Variants in BCKDHB observed in about 807,000 individuals in gnomAD.
BCKDHB encodes the protein 2-oxoisovalerate dehydrogenase subunit beta, mitochondrial.
In BCKDHB, 41 loss-of-function variants were observed where a neutral mutation model predicts 48.5. The ratio of observed to expected loss-of-function variants is 0.85; its 90% CI spans 0.66 to 1.10. The LOEUF is 1.10. Ranked by LOEUF, BCKDHB falls within the 50% of genes least tolerant of loss-of-function variation. BCKDHB has a pLI of 0.00. For synonymous variants in BCKDHB, 201 were observed against 174.8 expected (o/e 1.15, Z -1.18); for missense variants, 496 against 494.2 (o/e 1.00, Z -0.03).
chr6:80,148,920 A>C (rs549941340), intron 3 of BCKDHB, among the ~76,000 whole-genome samples: 1 of 152,350 alleles, frequency 6.6e-6, no homozygotes. Flanking sequence ...CAAGGACTTC[A>C]TGTCTAAAAC....
chr6:80,450,965 A>G, the BCKDHB span, among the ~76,000 whole-genome samples: 1 of 152,220 alleles, frequency 6.6e-6, no homozygotes, highest in South Asian at 2.1e-4. Context: ...TGCCACAACA[A>G]TAATAAAAAT....
intron 3 of BCKDHB, among the ~76,000 whole-genome samples, chr6:80,154,031 T>C (rs147078033): frequency 2.6e-4 from 39 of 152,328 alleles, no homozygotes; most frequent in African/African-American, 8.4e-4. Context: ...TTGGTCACAC[T>C]TTACCTTCTA....
intron 8 of BCKDHB, among the ~76,000 whole-genome samples, chr6:80,258,749 TAAAA>T (rs75982957): frequency 7.1e-6 from 1 of 140,050 alleles, no homozygotes; most frequent in South Asian, 2.3e-4. Context: ...TGAGAGTTAG[TAAAA>T]AAAAAAAAAG....
At chr6:80,279,606 C>T (rs139189385) in intron 9 of BCKDHB, among the ~76,000 whole-genome samples, 164 of 151,746 alleles carry the variant, frequency 1.1e-3, no homozygotes, top group African/African-American at 3.9e-3. Context: ...ATCTTTATGT[C>T]GGCATTCAAG....
At chr6:80,404,505 T>G in the BCKDHB span, among the ~76,000 whole-genome samples, 1 of 151,916 alleles carries the variant, frequency 6.6e-6, no homozygotes, top group Non-Finnish European at 1.5e-5. Context: ...GCTCACCTTT[T>G]CAAAAAACAA....
chr6:80,379,765 A>G, the BCKDHB span, among the ~76,000 whole-genome samples: 35 of 11,688 alleles, frequency 3.0e-3, no homozygotes, highest in Non-Finnish European at 0.18. Context: ...ATACGAAATC[A>G]ATTTACATAA....
At chr6:80,151,523 C>T (rs184721324) in intron 3 of BCKDHB, among the ~76,000 whole-genome samples, 1 of 150,602 alleles carries the variant, frequency 6.6e-6, no homozygotes, top group Non-Finnish European at 1.5e-5. Context: ...TTAGTTAGTT[C>T]CAGTAGCAGT....
chr6:80,131,115 C>G (rs1335445322), intron 3 of BCKDHB, among the ~76,000 whole-genome samples: 2 of 152,186 alleles, frequency 1.3e-5, no homozygotes, highest in Non-Finnish European at 2.9e-5. Flanking sequence ...TCTGCTTACC[C>G]CTTCTGTCTG....
intron 3 of BCKDHB, among the ~76,000 whole-genome samples, chr6:80,150,922 T>C (rs1411969453): frequency 1.3e-5 from 2 of 152,210 alleles, no homozygotes; most frequent in African/African-American, 2.4e-5. Context: ...GAGTCCTAGA[T>C]ATTTCAGTGA....
chr6:80,346,643 G>A (rs723587), downstream of BCKDHB, among the ~76,000 whole-genome samples: 21,885 of 152,068 alleles, frequency 0.14, 1,881 homozygotes, highest in South Asian at 0.24. Context: ...AGTGTTTGTC[G>A]TGATGTTGCA....
chr6:80,199,763 C>A (rs1309576741), intron 6 of BCKDHB, among the ~76,000 whole-genome samples: 1 of 99,852 alleles, frequency 1.0e-5, no homozygotes, highest in Non-Finnish European at 1.8e-5. Flanking sequence ...CAGAGTGAGA[C>A]TCTGTCTCAA....
the BCKDHB span, among the ~76,000 whole-genome samples, chr6:80,386,948 T>C: frequency 6.6e-6 from 1 of 152,102 alleles, no homozygotes; most frequent in Non-Finnish European, 1.5e-5. Flanking sequence ...CCCACTACAT[T>C]ACCGACAATT....
chr6:80,432,143 A>G, the BCKDHB span, among the ~76,000 whole-genome samples: 42 of 151,878 alleles, frequency 2.8e-4, no homozygotes, highest in Admixed American at 2.8e-3. Flanking sequence ...CTTCATTTTA[A>G]TCCTGGTGAA....
intron 8 of BCKDHB, among the ~76,000 whole-genome samples, chr6:80,220,735 T>G (rs1172077068): frequency 1.4e-4 from 5 of 36,244 alleles, no homozygotes; most frequent in Non-Finnish European, 3.3e-4. Flanking sequence ...TTTCTTTTTC[T>G]TTTTTTTTTT....
intron 9 of BCKDHB, among the ~76,000 whole-genome samples, chr6:80,287,909 A>G (rs1031964115): frequency 2.6e-5 from 4 of 152,152 alleles, no homozygotes; most frequent in Non-Finnish European, 4.4e-5. Flanking sequence ...ACTCCTTTCA[A>G]TGTCAAAGAA....
At chr6:80,407,229 A>T in the BCKDHB span, among the ~76,000 whole-genome samples, 4 of 152,192 alleles carry the variant, frequency 2.6e-5, no homozygotes, top group Admixed American at 2.6e-4. Context: ...CTGCTTCGAT[A>T]ACAATACCAT....
the BCKDHB span, among the ~76,000 whole-genome samples, chr6:80,416,376 G>A: frequency 6.6e-6 from 1 of 151,438 alleles, no homozygotes; most frequent in East Asian, 1.9e-4. Flanking sequence ...ATGTTAGCTT[G>A]ATAACTTGAG....
intron 9 of BCKDHB, among the ~76,000 whole-genome samples, chr6:80,293,552 C>T (rs1013161083): frequency 1.3e-5 from 2 of 152,128 alleles, no homozygotes; most frequent in Admixed American, 1.3e-4. Context: ...AAGGGGCCAC[C>T]GTGAAGGTCT....
the BCKDHB span, among the ~76,000 whole-genome samples, chr6:80,464,483 A>G: frequency 2.6e-5 from 4 of 152,156 alleles, no homozygotes; most frequent in Non-Finnish European, 5.9e-5. Flanking sequence ...TTGTGAAATA[A>G]AATTTTAAAT....
Sources: allele counts gnomAD v4.1 joint callset (sites outside exome capture counted in the v4.1 genomes callset), GRCh38; gene constraint gnomAD v4.1.1; transcripts MANE v1.5; gene names NCBI Gene and HGNC (gene_info 2026-07-23, HGNC 2026-07-21).